Variants in TMC1 observed in about 807,000 individuals in gnomAD.
TMC1 encodes the protein transmembrane channel like 1.
TMC1 carries 84 observed loss-of-function variants against 105.8 expected under a neutral mutation model. The observed-to-expected ratio is 0.79, with a 90% CI of 0.67 to 0.95. The LOEUF is 0.95. Ranked by LOEUF, TMC1 falls within the 40% of genes least tolerant of loss-of-function variation. TMC1 has a pLI of 0.00. For missense variants in TMC1, 817 were observed against 914.1 expected (o/e 0.89, Z 1.37); for synonymous variants, 315 against 311.5 (o/e 1.01, Z -0.12).
intron 5 of TMC1, among the ~76,000 whole-genome samples, chr9:72,659,947 GCTTT>G (rs1423643525): frequency 2.0e-5 from 3 of 152,092 alleles, no homozygotes; most frequent in African/African-American, 4.8e-5. Context: ...CAAAATCATT[GCTTT>G]CTAACTTTGA....
chr9:72,592,567 G>A (rs1824656202), intron 2 of TMC1, among the ~76,000 whole-genome samples: 1 of 152,118 alleles, frequency 6.6e-6, no homozygotes, highest in African/African-American at 2.4e-5. Flanking sequence ...CCACCTCTCA[G>A]GCTTGGTCAT....
intron 5 of TMC1, among the ~76,000 whole-genome samples, chr9:72,677,733 A>G (rs758312816): frequency 1.2e-4 from 19 of 152,040 alleles, no homozygotes; most frequent in Admixed American, 3.9e-4. Flanking sequence ...TTTTTTGACA[A>G]TATGATTTTC....
intron 2 of TMC1, among the ~76,000 whole-genome samples, chr9:72,583,856 T>A (rs1375414181): frequency 8.6e-6 from 1 of 115,998 alleles, no homozygotes; most frequent in Non-Finnish European, 1.7e-5. Context: ...GAAATTATTA[T>A]GGAAAAAGTA....
chr9:72,780,025 C>T (rs1828067844), intron 13 of TMC1, among the ~76,000 whole-genome samples: 2 of 152,040 alleles, frequency 1.3e-5, no homozygotes, highest in African/African-American at 2.4e-5. Flanking sequence ...AAGGGAAAGA[C>T]ATCTATAAAA....
intron 1 of TMC1, among the ~76,000 whole-genome samples, chr9:72,545,757 G>A (rs1048505667): frequency 6.6e-6 from 1 of 151,900 alleles, no homozygotes; most frequent in Admixed American, 6.6e-5. Flanking sequence ...CAGAGTGCTG[G>A]GATTACAGGC....
At chr9:72,600,085 C>T (rs574500819) in intron 2 of TMC1, among the ~76,000 whole-genome samples, 4 of 152,186 alleles carry the variant, frequency 2.6e-5, no homozygotes, top group Admixed American at 2.6e-4. Context: ...ACGGGGCCCT[C>T]GTGTGCCAGG....
intron 5 of TMC1, 33 bp downstream of exon 5, chr9:72,648,697 C>T (rs749689423): frequency 1.3e-6 from 2 of 1,582,266 alleles, no homozygotes; most frequent in South Asian, 2.2e-5. Context: ...CTGTAGGACA[C>T]TATGTCTTTC....
intron 6 of TMC1, 41 bp downstream of exon 6, chr9:72,688,797 A>G (rs767879681): frequency 6.5e-7 from 1 of 1,527,480 alleles, no homozygotes; most frequent in East Asian, 2.3e-5. Context: ...TTCCTATGGA[A>G]TACCAGTAAA....
At chr9:72,580,707 T>C (rs12346185) in intron 2 of TMC1, among the ~76,000 whole-genome samples, 68,440 of 152,046 alleles carry the variant, frequency 0.45, 17,476 homozygotes, top group African/African-American at 0.7. Context: ...CAAGCTTGAA[T>C]TCCCAGACGA....
chr9:72,625,904 A>G (rs1425540453), intron 3 of TMC1, among the ~76,000 whole-genome samples: 1 of 152,130 alleles, frequency 6.6e-6, no homozygotes, highest in Non-Finnish European at 1.5e-5. Flanking sequence ...ATAAGATTGT[A>G]TATGTCCAAC....
chr9:72,768,083 T>A (rs1588073823), intron 12 of TMC1, among the ~76,000 whole-genome samples: 1 of 152,254 alleles, frequency 6.6e-6, no homozygotes, highest in East Asian at 1.9e-4. Flanking sequence ...CAAATGCCCA[T>A]CAATGATAGA....
intron 2 of TMC1, among the ~76,000 whole-genome samples, chr9:72,583,199 G>T (rs571721361): frequency 6.6e-6 from 1 of 152,222 alleles, no homozygotes; most frequent in African/African-American, 2.4e-5. Flanking sequence ...TCCAGCCTGG[G>T]TGACAGAGTG....
intron 10 of TMC1, among the ~76,000 whole-genome samples, chr9:72,747,979 G>A (rs1338895566): frequency 6.6e-6 from 1 of 152,132 alleles, no homozygotes; most frequent in African/African-American, 2.4e-5. Context: ...GTCATTATGG[G>A]CATCAAATTT....
In TMC1 at chr9:72,648,635, A is replaced by G. The variant is rs760285926; in HGVS notation, c.-14A>G. The G allele has an allele frequency of 3.7e-6, 6 of 1,612,768 alleles. No individual in the cohort carries two copies. The East Asian group carries it at 1.3e-4, about 36-fold the overall frequency. The stretch of plus-strand genomic sequence containing the variant: ...TAGCCAGCCACTGAGACCTTCTGAC[A>G]GGACACCCCCAGGATGTCACCCAAA... On this transcript the variant is annotated 5_prime_UTR_variant, in exon 5 of 24. Coordinates refer to ENST00000297784, the MANE Select transcript of TMC1 (RefSeq NM_138691.3).
chr9:72,596,676 A>T (rs569294668), intron 2 of TMC1, among the ~76,000 whole-genome samples: 19 of 152,342 alleles, frequency 1.2e-4, no homozygotes, highest in African/African-American at 4.6e-4. Flanking sequence ...GGAATTGTAC[A>T]TACCGTTCTT....
chr9:72,678,368 A>G (rs1205172639), intron 5 of TMC1, among the ~76,000 whole-genome samples: 2 of 152,068 alleles, frequency 1.3e-5, no homozygotes, highest in Admixed American at 1.3e-4. Context: ...ACAACATTCT[A>G]TTTTAGAGCA....
At chr9:72,603,621 C>T (rs993623196) in intron 2 of TMC1, among the ~76,000 whole-genome samples, 2 of 152,138 alleles carry the variant, frequency 1.3e-5, no homozygotes, top group African/African-American at 4.8e-5. Flanking sequence ...GCGATTTCAG[C>T]TCACTGCAAC....
chr9:72,537,151 G>A (rs1474297246), intron 1 of TMC1, among the ~76,000 whole-genome samples: 1 of 152,160 alleles, frequency 6.6e-6, no homozygotes, highest in Non-Finnish European at 1.5e-5. Context: ...GCAGACAGCA[G>A]CATCCTGAGG....
At chr9:72,752,103 G>T (rs1365141900) in intron 11 of TMC1, 147 bp downstream of exon 11, 2 of 678,204 alleles carry the variant, frequency 2.9e-6, no homozygotes, top group East Asian at 5.3e-5. Context: ...CTTCAAAATG[G>T]TGCCCATGGG....
Sources: allele counts gnomAD v4.1 joint callset (sites outside exome capture counted in the v4.1 genomes callset), GRCh38; gene constraint gnomAD v4.1.1; transcripts MANE v1.5; gene names NCBI Gene and HGNC (gene_info 2026-07-23, HGNC 2026-07-21).